Variants in CNTN5 observed in about 807,000 individuals in gnomAD.
The protein encoded by CNTN5 is contactin 5.
Under a neutral mutation model 129.1 loss-of-function variants are expected in CNTN5, and 77 were observed. The ratio of observed to expected loss-of-function variants is 0.60; its 90% CI spans 0.50 to 0.72. The LOEUF is 0.72. Ranked by LOEUF, CNTN5 falls within the 30% of genes least tolerant of loss-of-function variation. The pLI is 0.00. For synonymous variants in CNTN5, 509 were observed against 465.6 expected (o/e 1.09, Z -1.20); for missense variants, 1,478 against 1,328.8 (o/e 1.11, Z -1.75).
chr11:99,516,634 C>T (rs1374676540), intron 2 of CNTN5, among the ~76,000 whole-genome samples: 2 of 152,070 alleles, frequency 1.3e-5, no homozygotes, highest in Non-Finnish European at 2.9e-5. Context: ...GAATTTCTTT[C>T]ATGGCTGTTG....
At chr11:99,588,351 A>G (rs1295241473) in intron 3 of CNTN5, among the ~76,000 whole-genome samples, 2 of 150,990 alleles carry the variant, frequency 1.3e-5, no homozygotes, top group African/African-American at 4.8e-5. Context: ...CTCAAAAAAA[A>G]AAAAAAAAAA....
intron 15 of CNTN5, among the ~76,000 whole-genome samples, chr11:100,205,476 C>T (rs1420362439): frequency 6.6e-6 from 1 of 151,840 alleles, no homozygotes; most frequent in Non-Finnish European, 1.5e-5. Flanking sequence ...TTCCTTTTTC[C>T]ATCTGGTATC....
intron 1 of CNTN5, among the ~76,000 whole-genome samples, chr11:99,051,744 C>T (rs2135177003): frequency 6.6e-6 from 1 of 151,942 alleles, no homozygotes; most frequent in Middle Eastern, 3.4e-3. Context: ...TCCGTTTGCT[C>T]TTGATTCATT....
At chr11:99,139,856 T>A (rs902114670) in intron 1 of CNTN5, among the ~76,000 whole-genome samples, 29 of 152,182 alleles carry the variant, frequency 1.9e-4, no homozygotes, top group Non-Finnish European at 2.6e-4. Context: ...ATGTTAAATA[T>A]GCATCCTTCT....
In CNTN5 at chr11:99,887,106, T is replaced by A. The variant is rs569685032; in HGVS notation, c.578-28948T>A. ...ACATGATTTTGATGATAATATTATA[T>A]AATTATTGTGTGGTTAAAACATTAA... On this transcript the variant is annotated intron_variant, in intron 6 of 24. Coordinates refer to ENST00000524871, the MANE Select transcript of CNTN5 (RefSeq NM_014361.4). Among the ~76,000 whole-genome samples the A allele has an allele frequency of 6.6e-5, 10 of 152,306 alleles. 1 individual carries two copies. The South Asian group carries it at 2.1e-3, about 32-fold the overall frequency.
At chr11:99,126,688 AAAACTAC>A (rs1050727559) in intron 1 of CNTN5, among the ~76,000 whole-genome samples, 1 of 152,238 alleles carries the variant, frequency 6.6e-6, no homozygotes, top group African/African-American at 2.4e-5. Flanking sequence ...ATAAGCAATG[AAAACTAC>A]AAGTGTTCAT....
At chr11:99,515,985 C>T (rs1947036069) in intron 2 of CNTN5, among the ~76,000 whole-genome samples, 1 of 150,324 alleles carries the variant, frequency 6.7e-6, no homozygotes, top group South Asian at 2.1e-4. Context: ...ATACACCTTA[C>T]CAAATGGAAA....
At chr11:99,750,244 T>G (rs1298727793) in intron 3 of CNTN5, among the ~76,000 whole-genome samples, 1 of 152,190 alleles carries the variant, frequency 6.6e-6, no homozygotes, top group East Asian at 1.9e-4. Context: ...TTCATGTCTT[T>G]TCATCACAAA....
intron 2 of CNTN5, among the ~76,000 whole-genome samples, chr11:99,543,852 C>T (rs1007680960): frequency 3.8e-5 from 5 of 133,156 alleles, no homozygotes; most frequent in Admixed American, 2.9e-4. Context: ...ACTCAGGAAT[C>T]GGAGGTTGCA....
intron 17 of CNTN5, among the ~76,000 whole-genome samples, chr11:100,270,666 A>G (rs1950391996): frequency 6.6e-6 from 1 of 152,244 alleles, no homozygotes; most frequent in Non-Finnish European, 1.5e-5. Flanking sequence ...AGAGAGATAT[A>G]TTCTTAATTT....
intron 3 of CNTN5, among the ~76,000 whole-genome samples, chr11:99,707,546 G>T (rs538451042): frequency 6.6e-6 from 1 of 151,714 alleles, no homozygotes; most frequent in African/African-American, 2.4e-5. Flanking sequence ...AAATATCTAG[G>T]TCTTAGCCCA....
chr11:99,981,392 A>C (rs762344977), intron 8 of CNTN5, among the ~76,000 whole-genome samples: 21 of 152,056 alleles, frequency 1.4e-4, no homozygotes, highest in Non-Finnish European at 8.8e-5. Context: ...GGAGAAGTGT[A>C]TCTCATTTCC....
At chr11:99,446,740 T>C (rs1245625614) in intron 2 of CNTN5, among the ~76,000 whole-genome samples, 1 of 152,212 alleles carries the variant, frequency 6.6e-6, no homozygotes, top group Non-Finnish European at 1.5e-5. Context: ...ATCTCTTGCC[T>C]ATTAACTCAA....
chr11:99,930,757 A>C (rs1950172076), intron 7 of CNTN5, among the ~76,000 whole-genome samples: 1 of 150,952 alleles, frequency 6.6e-6, no homozygotes, highest in Non-Finnish European at 1.5e-5. Context: ...TCCCAAATCA[A>C]GGATATAAAC....
chr11:99,777,874 T>C (rs1029488645), intron 3 of CNTN5, among the ~76,000 whole-genome samples: 1 of 151,896 alleles, frequency 6.6e-6, no homozygotes, highest in South Asian at 2.1e-4. Flanking sequence ...ACAGTTGTTA[T>C]ACAGATTATA....
chr11:99,236,499 G>C (rs111824569), intron 1 of CNTN5, among the ~76,000 whole-genome samples: 3,021 of 142,946 alleles, frequency 0.021, 89 homozygotes, highest in African/African-American at 0.078. Flanking sequence ...CACACACACA[G>C]AGAGAGAGAG....
chr11:100,228,361 G>A (rs1033417730), intron 16 of CNTN5, among the ~76,000 whole-genome samples: 1 of 152,186 alleles, frequency 6.6e-6, no homozygotes, highest in Admixed American at 6.5e-5. Context: ...AGCTCAGGAT[G>A]TCACTTGTTG....
intron 13 of CNTN5, among the ~76,000 whole-genome samples, chr11:100,185,795 C>T (rs1029719406): frequency 5.3e-5 from 8 of 152,152 alleles, no homozygotes; most frequent in Non-Finnish European, 1.0e-4. Context: ...GGAAAGGCCA[C>T]GTGAGCACAC....
At chr11:99,830,954 T>C (rs527446701) in intron 4 of CNTN5, among the ~76,000 whole-genome samples, 12 of 152,228 alleles carry the variant, frequency 7.9e-5, no homozygotes, top group African/African-American at 2.4e-4. Flanking sequence ...ATAGGCTGAA[T>C]TTCTATACCA....
Sources: gnomAD v4.1 joint callset for allele counts (sites outside exome capture counted in the v4.1 genomes callset) on GRCh38, gnomAD v4.1.1 for gene constraint, MANE v1.5 for transcripts, NCBI Gene and HGNC (gene_info 2026-07-23, HGNC 2026-07-21) for gene names.